The following TMEM74 variants were observed in gnomAD, a reference collection of about 807,000 sequenced individuals.
The protein encoded by TMEM74 is transmembrane protein 74.
In TMEM74, 13 loss-of-function variants were observed where a neutral mutation model predicts 18.1. The ratio of observed to expected loss-of-function variants is 0.72; its 90% CI spans 0.47 to 1.14. The LOEUF is 1.14. Ranked by LOEUF, TMEM74 falls within the 50% of genes most tolerant of loss-of-function variation. The probability of loss-of-function intolerance (pLI) is 0.00; values close to 1 mark genes in which losing one functional copy is unlikely to be tolerated. For synonymous variants in TMEM74, 159 were observed against 146.6 expected (o/e 1.08, Z -0.61); for missense variants, 372 against 375.9 (o/e 0.99, Z 0.09).
At chr8:108,616,984 A>G (rs927609564) in intron 2 of TMEM74, among the ~76,000 whole-genome samples, 1 of 151,614 alleles carries the variant, frequency 6.6e-6, no homozygotes, top group African/African-American at 2.4e-5. Context: ...TATAGTGACT[A>G]TATTTATATA....
chr8:108,724,663 C>A (rs2130633972), intron 1 of TMEM74, among the ~76,000 whole-genome samples: 1 of 152,158 alleles, frequency 6.6e-6, no homozygotes, highest in South Asian at 2.1e-4. Flanking sequence ...AAAAGCAGAA[C>A]AAGTTAAAAT....
intron 1 of TMEM74, among the ~76,000 whole-genome samples, chr8:108,757,424 CAG>C (rs945758301): frequency 1.2e-4 from 18 of 152,040 alleles, no homozygotes; most frequent in African/African-American, 4.1e-4. Flanking sequence ...TATCTCCACA[CAG>C]ACTGTTCTTA....
At chr8:108,670,035 G>GAAAAAAAAAAAA (rs1192889404) in intron 1 of TMEM74, among the ~76,000 whole-genome samples, 1 of 60,846 alleles carries the variant, frequency 1.6e-5, no homozygotes. Context: ...AAGATTCTGT[G>GAAAAAAAAAAAA]AAAAAAAAAA....
At chr8:108,683,422 A>G (rs1046022973) in intron 1 of TMEM74, among the ~76,000 whole-genome samples, 2 of 151,846 alleles carry the variant, frequency 1.3e-5, no homozygotes. Context: ...TCAGACAATA[A>G]TGTAAATGAT....
intron 1 of TMEM74, among the ~76,000 whole-genome samples, chr8:108,734,884 G>T (rs192720726): frequency 6.6e-6 from 1 of 152,158 alleles, no homozygotes; most frequent in African/African-American, 2.4e-5. Flanking sequence ...TGTCTAAAAT[G>T]TATATATTTT....
intron 2 of TMEM74, among the ~76,000 whole-genome samples, chr8:108,626,127 T>C (rs944712953): frequency 6.6e-6 from 1 of 152,102 alleles, no homozygotes; most frequent in Non-Finnish European, 1.5e-5. Context: ...TCTTTTAAAA[T>C]GATAACTTGT....
chr8:108,769,163 T>TA (rs66589307), intron 1 of TMEM74, among the ~76,000 whole-genome samples: 2,933 of 132,944 alleles, frequency 0.022, 57 homozygotes, highest in East Asian at 0.084. Context: ...CTACTACTAC[T>TA]AAAAAAAAAA....
chr8:108,730,766 G>A (rs890131893), intron 1 of TMEM74, among the ~76,000 whole-genome samples: 133 of 151,670 alleles, frequency 8.8e-4, no homozygotes, highest in Middle Eastern at 3.4e-3. Flanking sequence ...CCGAGTAGCT[G>A]GGACTACAGG....
At chr8:108,731,538 C>T (rs1813695444) in intron 1 of TMEM74, among the ~76,000 whole-genome samples, 1 of 152,086 alleles carries the variant, frequency 6.6e-6, no homozygotes, top group South Asian at 2.1e-4. Context: ...TTCCGTAGGA[C>T]ACACTAAATT....
chr8:108,692,933 A>G (rs952952012), intron 1 of TMEM74, among the ~76,000 whole-genome samples: 7 of 152,068 alleles, frequency 4.6e-5, no homozygotes, highest in South Asian at 2.1e-4. Context: ...TCCTATTGTC[A>G]AGGATTATAC....
At chr8:108,718,281 C>T (rs1813549913) in intron 1 of TMEM74, among the ~76,000 whole-genome samples, 1 of 151,974 alleles carries the variant, frequency 6.6e-6, no homozygotes. Context: ...TAAAAGGACC[C>T]CCTGGCTGCT....
chr8:108,636,486 A>G (rs767203848), intron 2 of TMEM74, among the ~76,000 whole-genome samples: 39 of 152,084 alleles, frequency 2.6e-4, no homozygotes, highest in Non-Finnish European at 4.6e-4. Flanking sequence ...CAGCTGCCAT[A>G]TCTATGTTCT....
intron 1 of TMEM74, among the ~76,000 whole-genome samples, chr8:108,686,094 G>A: frequency 6.6e-6 from 1 of 152,036 alleles, no homozygotes; most frequent in East Asian, 1.9e-4. Context: ...AAAGTTATGA[G>A]TTTCTTTTAA....
At chr8:108,689,605 G>C (rs1020668773) in intron 1 of TMEM74, among the ~76,000 whole-genome samples, 2 of 152,186 alleles carry the variant, frequency 1.3e-5, no homozygotes, top group African/African-American at 4.8e-5. Flanking sequence ...CATGGTGCCA[G>C]GCATGAGCGA....
intron 2 of TMEM74, among the ~76,000 whole-genome samples, chr8:108,625,655 A>G (rs188884639): frequency 2.0e-5 from 3 of 151,908 alleles, no homozygotes; most frequent in African/African-American, 7.3e-5. Flanking sequence ...TTTATCAAAT[A>G]TATATCATTT....
Position 108,646,017 on chromosome 8 carries a change from T to C in TMEM74, n.264+9276A>G, listed in dbSNP as rs1228361496. Among the ~76,000 whole-genome samples, 11 of 152,080 alleles carry C rather than the reference T, an allele frequency of 7.2e-5. No homozygotes were observed. In the East Asian group the frequency reaches 2.1e-3, roughly 29 times the overall value. On this transcript the variant is annotated intron_variant and non_coding_transcript_variant, in intron 2 of 3. Transcript: ENST00000518838. ...TTGCCTCTATTAGTTAATGAGACAATTATAAAATTATTTTAAGAGAAATTA... is the reference window on the plus strand; with the variant it reads ...TTGCCTCTATTAGTTAATGAGACAACTATAAAATTATTTTAAGAGAAATTA...
chr8:108,674,865 G>A (rs913776330), intron 1 of TMEM74, among the ~76,000 whole-genome samples: 3 of 152,140 alleles, frequency 2.0e-5, no homozygotes, highest in Non-Finnish European at 4.4e-5. Flanking sequence ...ATTCCAATGT[G>A]TAGCAGATAC....
intron 1 of TMEM74, among the ~76,000 whole-genome samples, chr8:108,734,683 G>C (rs925701525): frequency 1.3e-5 from 2 of 151,822 alleles, no homozygotes; most frequent in Non-Finnish European, 2.9e-5. Flanking sequence ...AAGAAGAAAA[G>C]AAAAATTTAA....
chr8:108,773,463 AG>A (rs1323278441), intron 1 of TMEM74, among the ~76,000 whole-genome samples: 2 of 152,196 alleles, frequency 1.3e-5, no homozygotes, highest in African/African-American at 4.8e-5. Context: ...CTGAGAGTGA[AG>A]GTTTTAAAAT....
Sources: allele counts gnomAD v4.1 joint callset (sites outside exome capture counted in the v4.1 genomes callset), GRCh38; gene constraint gnomAD v4.1.1; transcripts MANE v1.5; gene names NCBI Gene and HGNC (gene_info 2026-07-23, HGNC 2026-07-21).